The following SRGAP2 variants were observed in gnomAD, a reference collection of about 807,000 sequenced individuals.
SRGAP2 encodes SLIT-ROBO Rho GTPase activating protein 2, also known as SLIT-ROBO Rho GTPase-activating protein 2.
In SRGAP2, 15 loss-of-function variants were observed where a neutral mutation model predicts 57.2. The ratio of observed to expected loss-of-function variants is 0.26; its 90% confidence interval spans 0.18 to 0.40. The LOEUF (loss-of-function observed/expected upper bound fraction) is 0.40, where lower values mean the gene tolerates loss of function less well. SRGAP2 is among the 10% of genes least tolerant of loss of function. The pLI, the probability that SRGAP2 is intolerant of heterozygous loss-of-function variation, is 1.00. For synonymous variants in SRGAP2, 249 were observed against 248.0 expected (o/e 1.00, Z -0.04); for missense variants, 520 against 669.6 (o/e 0.78, Z 2.47).
chr1:206,438,108 A>AT lies in SRGAP2; in HGVS notation c.1768+12dup, dbSNP rs782390453. The AT allele has an allele frequency of 3.6e-5, 28 of 780,542 alleles. No homozygotes were observed. Among genetic ancestry groups the AT allele is most frequent in the Admixed American group, 1.2e-4 (7 of 58,996 alleles). The allele number at this position is 780,542 out of a possible 1,614,324, so 48.4% of individuals were successfully genotyped here. The stretch of plus-strand genomic sequence containing the variant: ...CTGATGGCCTGCGTCAGTAAGTACC[A>AT]TTCTGGCTTCAGATTGGCTTCTGGG... On this transcript the variant is annotated intron_variant, in intron 16 of 22. Transcript: ENST00000573034.
At chr1:206,359,796 C>CCCTTTTTTTTTTTTTTTTTTTT (rs1558345475) in intron 4 of SRGAP2, among the ~76,000 whole-genome samples, 1 of 103,664 alleles carries the variant, frequency 9.6e-6, no homozygotes, top group African/African-American at 4.7e-5. Context: ...AGGGATATTG[C>CCCTTTTTTTTTTTTTTTTTTTT]TCTTTTTTTT....
chr1:206,332,927 C>T lies in SRGAP2; in HGVS notation c.261-9919C>T, dbSNP rs1449771640. Among the ~76,000 whole-genome samples, 4 of 151,872 alleles carry T rather than the reference C, an allele frequency of 2.6e-5. No homozygotes were observed. In the South Asian group the frequency reaches 8.4e-4, roughly 32 times the overall value. ...CAGTTTTTCTGTTCTGTTTTTTCCC[C>T]ATCTTTGTGGTTTTCTCTACTTTTG... On this transcript the variant is annotated intron_variant, in intron 3 of 22. Transcript: ENST00000573034.
In SRGAP2 at chr1:206,461,653, G is replaced by A. The variant is rs571959326; in HGVS notation, c.*233G>A. The A allele has an allele frequency of 8.6e-4, 438 of 507,722 alleles. 8 individuals are homozygous for A. The South Asian group carries it at 0.012, about 14-fold the overall frequency. 31.5% of individuals were successfully genotyped at this position (507,722 alleles called of 1,614,324 possible). On this transcript the variant is annotated 3_prime_UTR_variant, in exon 23 of 23. Coordinates refer to ENST00000573034, the MANE Select transcript of SRGAP2 (RefSeq NM_015326.5). Reference sequence around the variant, plus strand: ...GTCGTAATTCAGCCAGCTGCAGTCCGTACCGTTCTTAGGTTAGCCAGAGAC... The same window carrying A: ...GTCGTAATTCAGCCAGCTGCAGTCCATACCGTTCTTAGGTTAGCCAGAGAC...
chr1:206,285,783 T>C, intron 2 of SRGAP2, among the ~76,000 whole-genome samples: 1 of 152,322 alleles, frequency 6.6e-6, no homozygotes, highest in Admixed American at 6.5e-5. Context: ...TTCTCATGGC[T>C]TGGCTTCCTG....
intron 3 of SRGAP2, among the ~76,000 whole-genome samples, chr1:206,323,091 A>AAT (rs1333257158): frequency 1.3e-5 from 2 of 151,422 alleles, no homozygotes; most frequent in East Asian, 3.9e-4. Context: ...CCAGCCTCTC[A>AAT]ATACCACTTG....
At chr1:206,439,529 C>T (rs534065540) in intron 16 of SRGAP2, among the ~76,000 whole-genome samples, 63 of 152,014 alleles carry the variant, frequency 4.1e-4, no homozygotes, top group African/African-American at 1.4e-3. Flanking sequence ...GCAGTTACAG[C>T]AGGTTGGCGG....
intron 4 of SRGAP2, among the ~76,000 whole-genome samples, chr1:206,370,356 T>C (rs1654417186): frequency 6.6e-6 from 1 of 152,204 alleles, no homozygotes; most frequent in African/African-American, 2.4e-5. Flanking sequence ...ACTTAAAGTA[T>C]GGCATACCTA....
At chr1:206,313,774 T>A (rs1162992932) in intron 3 of SRGAP2, among the ~76,000 whole-genome samples, 1 of 151,554 alleles carries the variant, frequency 6.6e-6, no homozygotes, top group Non-Finnish European at 1.5e-5. Context: ...CTGCAGTAGA[T>A]CATAAGGATC....
intron 10 of SRGAP2, among the ~76,000 whole-genome samples, chr1:206,410,112 A>G (rs912201470): frequency 3.3e-5 from 5 of 152,238 alleles, no homozygotes; most frequent in East Asian, 1.9e-4. Context: ...CAATCGATCA[A>G]TCAATCAATC....
chr1:206,306,072 G>T (rs1373668927), intron 3 of SRGAP2, among the ~76,000 whole-genome samples: 3 of 151,872 alleles, frequency 2.0e-5, no homozygotes, highest in Non-Finnish European at 4.4e-5. Context: ...TTGATTTTTA[G>T]TACTATATCA....
chr1:206,422,485 G>C (rs1040445526), intron 13 of SRGAP2, among the ~76,000 whole-genome samples: 3 of 152,162 alleles, frequency 2.0e-5, no homozygotes, highest in Non-Finnish European at 4.4e-5. Context: ...GAGGAATGGA[G>C]TGACTCCTAG....
At chr1:206,361,206 T>G (rs1553340528) in intron 4 of SRGAP2, among the ~76,000 whole-genome samples, 2 of 115,290 alleles carry the variant, frequency 1.7e-5, no homozygotes, top group Middle Eastern at 7.4e-3. Flanking sequence ...TCATTAGATT[T>G]GGGTTTTAGA....
chr1:206,418,908 G>T (rs1022181859), intron 11 of SRGAP2, among the ~76,000 whole-genome samples: 1 of 151,536 alleles, frequency 6.6e-6, no homozygotes, highest in Admixed American at 6.6e-5. Flanking sequence ...GTGTGTGTGT[G>T]TGTGTGTGTG....
intron 15 of SRGAP2, 31 bp downstream of exon 15, chr1:206,437,073 A>G (rs1553370302): frequency 1.3e-6 from 1 of 780,174 alleles, no homozygotes; most frequent in East Asian, 2.4e-5. Flanking sequence ...ATAAAACCAA[A>G]TATTTGCCAG....
intron 10 of SRGAP2, among the ~76,000 whole-genome samples, chr1:206,415,484 T>TC (rs1357522140): frequency 3.3e-5 from 5 of 151,496 alleles, no homozygotes; most frequent in Admixed American, 1.3e-4. Flanking sequence ...TGATGGAATG[T>TC]CCCCCCCTCC....
chr1:206,376,164 C>G (rs1655182117), intron 4 of SRGAP2, among the ~76,000 whole-genome samples: 1 of 151,912 alleles, frequency 6.6e-6, no homozygotes, highest in South Asian at 2.1e-4. Context: ...TATTTTCATT[C>G]TGCCACCCCT....
chr1:206,418,888 C>CTGTGTG lies in SRGAP2; in HGVS notation c.1442-441_1442-436dup, dbSNP rs1159940831. ...TTGTTCTCTCAGCCTCCAACTCTCT[C>CTGTGTG]TGTGTGTGTGTGTGTGTGTGTGTGT... On this transcript the variant is annotated intron_variant, in intron 11 of 22. Transcript: ENST00000573034. Among the ~76,000 whole-genome samples, 1,001 of 136,600 alleles carry CTGTGTG rather than the reference C, an allele frequency of 7.3e-3. 8 individuals are homozygous for CTGTGTG. The highest frequency in any genetic ancestry group is 0.013 in the Admixed American group (176 of 13,848). The allele number at this position is 136,600 out of a possible 152,430, so 89.6% of individuals were successfully genotyped here.
At chr1:206,306,095 A>G (rs1672177253) in intron 3 of SRGAP2, among the ~76,000 whole-genome samples, 2 of 152,094 alleles carry the variant, frequency 1.3e-5, no homozygotes, top group East Asian at 1.9e-4. Flanking sequence ...TTCTCAGCTT[A>G]TGGACGTATT....
At chr1:206,306,408 C>T (rs1424175230) in intron 3 of SRGAP2, among the ~76,000 whole-genome samples, 5 of 151,840 alleles carry the variant, frequency 3.3e-5, no homozygotes, top group South Asian at 2.1e-4. Flanking sequence ...GGGCTTGTGG[C>T]CTCGCTGGGC....
Sources: gnomAD v4.1 joint callset for allele counts (sites outside exome capture counted in the v4.1 genomes callset) on GRCh38, gnomAD v4.1.1 for gene constraint, MANE v1.5 for transcripts, NCBI Gene and HGNC (gene_info 2026-07-23, HGNC 2026-07-21) for gene names.